SLC25A12: variants seen among roughly 807,000 people sequenced by gnomAD.
SLC25A12 encodes the protein solute carrier family 25 member 12, also known as electrogenic aspartate/glutamate antiporter SLC25A12, mitochondrial.
A neutral mutation model predicts 83.3 loss-of-function variants in SLC25A12; 32 were observed. That is an observed-to-expected ratio of 0.38 (90% confidence interval 0.29 to 0.52). The LOEUF (loss-of-function observed/expected upper bound fraction) is 0.52, where lower values mean the gene tolerates loss of function less well. SLC25A12 is among the 20% of genes least tolerant of loss of function. The pLI is 0.84. For synonymous variants in SLC25A12, 267 were observed against 291.1 expected, an observed-to-expected ratio of 0.92 and a Z score of 0.84; for missense variants, 611 against 835.6, an observed-to-expected ratio of 0.73 and a Z score of 3.31.
At chr2:171,822,660 T>TA (rs890681419) in intron 9 of SLC25A12, among the ~76,000 whole-genome samples, 24 of 152,188 alleles carry the variant, frequency 1.6e-4, no homozygotes, top group African/African-American at 5.1e-4. Flanking sequence ...GTGCTGGAAT[T>TA]ACAGGCACAA....
At chr2:171,842,306 T>C (rs1684696782) in intron 5 of SLC25A12, among the ~76,000 whole-genome samples, 1 of 151,846 alleles carries the variant, frequency 6.6e-6, no homozygotes, top group African/African-American at 2.4e-5. Context: ...AAGTTCATAT[T>C]GTTTGGCCAG....
intron 17 of SLC25A12, 108 bp from the exon 18 acceptor site, chr2:171,785,583 C>T: frequency 1.0e-6 from 1 of 989,506 alleles, no homozygotes; most frequent in South Asian, 1.3e-5. Flanking sequence ...GAATGTTTCT[C>T]TCAACCATTT....
At chr2:171,802,113 A>G (rs1158895210) in intron 13 of SLC25A12, among the ~76,000 whole-genome samples, 1 of 152,236 alleles carries the variant, frequency 6.6e-6, no homozygotes. Flanking sequence ...GCAACTGTAT[A>G]CACACACATA....
intron 3 of SLC25A12, among the ~76,000 whole-genome samples, chr2:171,862,521 T>C (rs1685184346): frequency 6.6e-6 from 1 of 152,196 alleles, no homozygotes; most frequent in South Asian, 2.1e-4. Context: ...CTTATTTTAC[T>C]ATCTACTGGG....
At chr2:171,871,656 C>A in intron 2 of SLC25A12, 1 of 917,972 alleles carries the variant, frequency 1.1e-6, no homozygotes. Context: ...TTCCTAGTTT[C>A]CCTGTCCCAA....
At position 171,785,294 on chromosome 2, in the gene SLC25A12, C is replaced by T; in HGVS notation, c.2017G>A (p.Ala673Thr). The T allele has an allele frequency of 1.9e-6, 3 of 1,614,162 alleles. No individual in the cohort carries two copies. The highest frequency in any genetic ancestry group is 2.5e-6 in the Non-Finnish European group (3 of 1,180,020). Residue 673 changes from alanine (A) to threonine (T), a missense_variant, in exon 18 of 18, where the codon GCA becomes ACA. Physicochemically the swap from Ala to Thr is moderately conservative, Grantham distance 58. Around this residue, in one of 3 missense-constraint regions of SLC25A12, gnomAD observed 37 missense variants for 35.1 expected, o/e 1.05. Coordinates refer to ENST00000422440, the MANE Select transcript of SLC25A12 (RefSeq NM_003705.5). The stretch of plus-strand genomic sequence containing the variant: ...TCTCATCACTGAGTGGCTGCCACTG[C>T]TGCCTTTGGCTGAACCACAGCAACA... Reference protein sequence around the residue: ...PSVAVVQPKAAVAATQ With the variant: ...PSVAVVQPKATVAATQ
chr2:171,823,456 A>G (rs1256747393), intron 9 of SLC25A12, among the ~76,000 whole-genome samples: 3 of 152,222 alleles, frequency 2.0e-5, no homozygotes, highest in Non-Finnish European at 4.4e-5. Flanking sequence ...CACAATGGCC[A>G]TTAGTGGACA....
At chr2:171,851,724 G>C (rs999560827) in intron 4 of SLC25A12, among the ~76,000 whole-genome samples, 26 of 152,050 alleles carry the variant, frequency 1.7e-4, no homozygotes, top group East Asian at 3.9e-4. Context: ...TAGTAGAGAT[G>C]GGGTTTCACC....
intron 13 of SLC25A12, among the ~76,000 whole-genome samples, chr2:171,806,258 G>A (rs778145846): frequency 2.0e-5 from 3 of 152,130 alleles, no homozygotes; most frequent in Non-Finnish European, 4.4e-5. Context: ...TCGGGAGTTT[G>A]AGACCAGCCT....
intron 11 of SLC25A12, among the ~76,000 whole-genome samples, chr2:171,813,122 C>A (rs1472257189): frequency 6.6e-6 from 1 of 151,870 alleles, no homozygotes; most frequent in Non-Finnish European, 1.5e-5. Context: ...GAAATATAAA[C>A]CACAAGAAGA....
intron 9 of SLC25A12, among the ~76,000 whole-genome samples, chr2:171,824,851 C>T (rs2105876659): frequency 6.6e-6 from 1 of 151,866 alleles, no homozygotes; most frequent in East Asian, 1.9e-4. Context: ...GTTGCCCAAG[C>T]TGGAGTGTAG....
rs371170166 is a variant in SLC25A12, at chr2:171,816,610, A to G, written c.931-1408T>C. On this transcript the variant is annotated intron_variant, in intron 9 of 17. Transcript: ENST00000422440. The stretch of plus-strand genomic sequence containing the variant: ...TTTTTTATTGTTTGTTTTTTCCCAA[A>G]TATTTTCCATCCACAGTTGGCTGAA... Among the ~76,000 whole-genome samples, 13 of 152,048 alleles carry G rather than the reference A, an allele frequency of 8.5e-5. 1 individual carries two copies. The highest frequency in any genetic ancestry group is 3.1e-4 in the African/African-American group (13 of 41,490).
At position 171,890,618 on chromosome 2, in the gene SLC25A12, A is replaced by G. The variant is rs535545870; in HGVS notation, c.66+2587T>C. Among the ~76,000 whole-genome samples, 5 of 152,238 alleles carry G rather than the reference A, an allele frequency of 3.3e-5. 1 individual carries two copies. Among genetic ancestry groups the G allele is most frequent in the African/African-American group, 1.2e-4 (5 of 41,538 alleles). On this transcript the variant is annotated intron_variant, in intron 2 of 17. Transcript: ENST00000422440. The stretch of plus-strand genomic sequence containing the variant: ...TACCTCAGCCACCTGAGTAGCTGGG[A>G]CCACAGATGGATGCCACCAGGTGTG...
At chr2:171,813,591 A>G in intron 10 of SLC25A12, 94 bp from the exon 11 acceptor site, 1 of 1,296,720 alleles carries the variant, frequency 7.7e-7, no homozygotes, top group Middle Eastern at 2.2e-4. Context: ...ATGAGAAAAT[A>G]AAACACAACA....
intron 17 of SLC25A12, among the ~76,000 whole-genome samples, chr2:171,786,454 T>C (rs1690493127): frequency 6.7e-6 from 1 of 149,240 alleles, no homozygotes; most frequent in Non-Finnish European, 1.5e-5. Flanking sequence ...GAAAGAAGCA[T>C]GGAAAAGCCT....
rs1684747987 is a variant in SLC25A12, at chr2:171,844,353, T to G, written c.465+16A>C. ...GAATAGTATATATTGATACCTGTTA[T>G]GAAAACTAAGCTCACCTGGAGAAAC... is the stretch of plus-strand genomic sequence containing the variant. On this transcript the variant is annotated intron_variant, in intron 5 of 17. Coordinates refer to ENST00000422440, the MANE Select transcript of SLC25A12 (RefSeq NM_003705.5). 2 of 1,613,328 alleles carry G rather than the reference T, an allele frequency of 1.2e-6. No homozygotes were observed. Among genetic ancestry groups the G allele is most frequent in the Non-Finnish European group, 1.7e-6 (2 of 1,179,486 alleles).
intron 9 of SLC25A12, among the ~76,000 whole-genome samples, chr2:171,819,216 ATAC>A (rs1466741505): frequency 8.6e-5 from 11 of 128,336 alleles, no homozygotes; most frequent in African/African-American, 3.3e-4. Context: ...ATAATATATA[ATAC>A]ATATTATATA....
chr2:171,866,277 C>T (rs1225076741), intron 3 of SLC25A12, among the ~76,000 whole-genome samples: 9 of 143,628 alleles, frequency 6.3e-5, no homozygotes, highest in South Asian at 2.4e-4. Flanking sequence ...AATCTTTTCC[C>T]CACCTTTCCC....
intron 1 of SLC25A12, among the ~76,000 whole-genome samples, chr2:171,893,684 T>C (rs1188782146): frequency 4.6e-5 from 7 of 152,178 alleles, no homozygotes; most frequent in African/African-American, 1.7e-4. Flanking sequence ...CATGTAATTA[T>C]CTCCGCGTCC....
Sources: gnomAD v4.1 joint callset for allele counts (sites outside exome capture counted in the v4.1 genomes callset) on GRCh38, gnomAD v4.1.1 for gene constraint, gnomAD v4.1.1 regional missense constraint, MANE v1.5 for transcripts, NCBI Gene and HGNC (gene_info 2026-07-23, HGNC 2026-07-21) for gene names.